Variants in CEACAM3 observed in about 807,000 individuals in gnomAD.
The protein encoded by CEACAM3 is cell adhesion molecule CEACAM3.
In CEACAM3, 32 loss-of-function variants were observed where a neutral mutation model predicts 30.1. That is an observed-to-expected ratio of 1.06 (90% CI 0.80 to 1.43). The LOEUF (loss-of-function observed/expected upper bound fraction) is 1.43, where lower values mean the gene tolerates loss of function less well. Among genes scored for constraint, CEACAM3 ranks in the 40% most tolerant of loss-of-function variants. The probability of loss-of-function intolerance (pLI) is 0.00; values close to 1 mark genes in which losing one functional copy is unlikely to be tolerated. For missense variants in CEACAM3, 290 were observed against 316.3 expected (o/e 0.92, Z 0.63); for synonymous variants, 134 against 127.2 (o/e 1.05, Z -0.36).
chr19:41,796,691 C>T lies in CEACAM3; in HGVS notation c.14C>T (p.Ser5Leu). ...GCAGCAGAGACCATGGGGCCCCCCTCAGCCTCTCCCCACAGAGAATGCATC... is the reference window on the plus strand; with the variant it reads ...GCAGCAGAGACCATGGGGCCCCCCTTAGCCTCTCCCCACAGAGAATGCATC... MGPPSASPHRECIPW... is the reference protein window; with the variant it reads MGPPLASPHRECIPW... Residue 5 changes from serine to leucine, a missense_variant, in exon 1 of 7, where the codon TCA becomes TTA. Ser to Leu is a moderately radical substitution (Grantham distance 145). Coordinates refer to ENST00000357396, the MANE Select transcript of CEACAM3 (RefSeq NM_001815.5). 6.2e-7 allele frequency: 1 copy of T among 1,614,134 alleles called. No individual in the cohort carries two copies. Among genetic ancestry groups the T allele is most frequent in the South Asian group, 1.1e-5 (1 of 91,078 alleles).
At position 41,797,646 on chromosome 19, in the gene CEACAM3, T is replaced by C. The variant is rs781906092; in HGVS notation, c.122T>C (p.Met41Thr). ...PTTAKLTIES[M>T]PLSVAEGKEV... ...ACTGCCAAGCTCACTATTGAATCCA[T>C]GCCGCTCAGTGTCGCAGAGGGGAAG... Residue 41 changes from methionine to threonine, a missense_variant, in exon 2 of 7, where the codon ATG (methionine) becomes ACG (threonine). Coordinates refer to ENST00000357396, the MANE Select transcript of CEACAM3 (RefSeq NM_001815.5). 6.8e-6 allele frequency: 11 copies of C among 1,614,038 alleles called. No homozygotes were observed. Among genetic ancestry groups the C allele is most frequent in the Admixed American group, 3.3e-5 (2 of 60,006 alleles).
chr19:41,809,159 T>C (rs963382341), intron 3 of CEACAM3: 2 of 285,404 alleles, frequency 7.0e-6, no homozygotes, highest in Non-Finnish European at 1.3e-5. Flanking sequence ...CACCCCTGAG[T>C]GTGGCCCTAG....
At position 41,800,332 on chromosome 19, in the gene CEACAM3, C is replaced by T. The variant is rs113973233; in HGVS notation, c.424+2384C>T. Among the ~76,000 whole-genome samples, 1,358 of 152,264 alleles carry T rather than the reference C, an allele frequency of 8.9e-3. 13 individuals are homozygous for T. The highest frequency in any genetic ancestry group is 0.015 in the Non-Finnish European group (1,021 of 68,010). Reference sequence around the variant, plus strand: ...GCGGTGACACTAGCGCCTGGGAAGACGCCCGTTGCCAGGCAGACCGAGGTC... The same window carrying T: ...GCGGTGACACTAGCGCCTGGGAAGATGCCCGTTGCCAGGCAGACCGAGGTC... On this transcript the variant is annotated intron_variant, in intron 2 of 6. Transcript: ENST00000357396.
At chr19:41,799,195 G>A (rs2073127542) in intron 2 of CEACAM3, among the ~76,000 whole-genome samples, 2 of 152,194 alleles carry the variant, frequency 1.3e-5, no homozygotes, top group Non-Finnish European at 2.9e-5. Flanking sequence ...GAGGCCTGGT[G>A]GGAGGCGATT....
At chr19:41,808,419 C>T (rs2123019875) in intron 2 of CEACAM3, among the ~76,000 whole-genome samples, 1 of 152,240 alleles carries the variant, frequency 6.6e-6, no homozygotes, top group South Asian at 2.1e-4. Flanking sequence ...CATGGAAGGC[C>T]CCTGAAAACA....
At chr19:41,809,072 C>A in intron 3 of CEACAM3, 142 bp downstream of exon 3, 1 of 627,998 alleles carries the variant, frequency 1.6e-6, no homozygotes, top group South Asian at 2.3e-5. Context: ...TTCCACGGCT[C>A]CTCCCTCGTC....
At chr19:41,796,873 A>G in intron 1 of CEACAM3, 132 bp downstream of exon 1, 1 of 884,640 alleles carries the variant, frequency 1.1e-6, no homozygotes, top group Non-Finnish European at 1.7e-6. Context: ...AACATCAGAG[A>G]GGGACACGGG....
chr19:41,809,278 T>G, intron 3 of CEACAM3: 1 of 257,388 alleles, frequency 3.9e-6, no homozygotes, highest in Non-Finnish European at 7.4e-6. Context: ...CCTCCCATTG[T>G]TCATTGAATC....
At chr19:41,808,710 G>T in intron 2 of CEACAM3, 103 bp from the exon 3 acceptor site, 2 of 856,654 alleles carry the variant, frequency 2.3e-6, no homozygotes, top group Non-Finnish European at 1.9e-6. Flanking sequence ...AGGCCCCATG[G>T]CATCTCCTTC....
Position 41,810,211 on chromosome 19 carries a change from T to A in CEACAM3, c.596-112T>A. The A allele has an allele frequency of 4.2e-6, 6 of 1,427,148 alleles. No individual in the cohort carries two copies. The Admixed American group carries it at 7.8e-5, about 19-fold the overall frequency. The allele number at this position is 1,427,148 out of a possible 1,614,324, so 88.4% of individuals were successfully genotyped here. Reference sequence around the variant, plus strand: ...TGTGGGCTCTGGGTCATGGGTCACCTCCCCAACCTCAGCTGCTCAGGTATC... The same window carrying A: ...TGTGGGCTCTGGGTCATGGGTCACCACCCCAACCTCAGCTGCTCAGGTATC... On this transcript the variant is annotated intron_variant, in intron 4 of 6. Transcript: ENST00000357396.
intron 2 of CEACAM3, among the ~76,000 whole-genome samples, chr19:41,808,175 C>T (rs1316830102): frequency 6.6e-6 from 1 of 152,226 alleles, no homozygotes; most frequent in African/African-American, 2.4e-5. Context: ...TCCACCTCTG[C>T]AGGACCCCTC....
chr19:41,809,109 A>C, intron 3 of CEACAM3, 179 bp downstream of exon 3: 1 of 519,492 alleles, frequency 1.9e-6, no homozygotes, highest in Non-Finnish European at 3.4e-6. Context: ...TTGCTGCCTC[A>C]ACAGCTTCCT....
chr19:41,800,297 C>T (rs971247569), intron 2 of CEACAM3, among the ~76,000 whole-genome samples: 1 of 152,144 alleles, frequency 6.6e-6, no homozygotes, highest in Non-Finnish European at 1.5e-5. Context: ...CAGAAGGGCT[C>T]CTTGGTCTAG....
At chr19:41,804,739 T>A (rs1370329111) in intron 2 of CEACAM3, among the ~76,000 whole-genome samples, 1 of 152,168 alleles carries the variant, frequency 6.6e-6, no homozygotes, top group Admixed American at 6.5e-5. Context: ...CTTATTATGT[T>A]ATCAAGAGAA....
intron 2 of CEACAM3, among the ~76,000 whole-genome samples, chr19:41,799,810 T>C (rs908510233): frequency 2.0e-5 from 3 of 152,166 alleles, no homozygotes; most frequent in Non-Finnish European, 4.4e-5. Flanking sequence ...AGACCGGATC[T>C]TGGATGCAGA....
chr19:41,801,020 C>T (rs2073142416), intron 2 of CEACAM3, among the ~76,000 whole-genome samples: 1 of 152,126 alleles, frequency 6.6e-6, no homozygotes, highest in Non-Finnish European at 1.5e-5. Flanking sequence ...CCAGGGGTCT[C>T]CTGGTCCCTA....
rs375018257 is a variant in CEACAM3, at chr19:41,797,660, G to A, written c.136G>A (p.Ala46Thr). Reference protein sequence around the residue: ...LTIESMPLSVAEGKEVLLLVH... With the variant: ...LTIESMPLSVTEGKEVLLLVH... ...TATTGAATCCATGCCGCTCAGTGTC[G>A]CAGAGGGGAAGGAGGTGCTTCTACT... The change falls in exon 2 of 7, where the codon GCA becomes ACA. Residue 46 changes from alanine (A) to threonine (T), a missense_variant. By Grantham distance (58) the Ala-to-Thr change is moderately conservative (BLOSUM62 0). Coordinates refer to ENST00000357396, the MANE Select transcript of CEACAM3 (RefSeq NM_001815.5). The A allele has an allele frequency of 5.4e-5, 87 of 1,614,000 alleles. No individual in the cohort carries two copies. Among genetic ancestry groups the A allele is most frequent in the East Asian group, 4.5e-5 (2 of 44,888 alleles).
intron 2 of CEACAM3, among the ~76,000 whole-genome samples, chr19:41,803,445 T>C (rs2073169421): frequency 9.5e-4 from 133 of 139,320 alleles, no homozygotes; most frequent in South Asian, 4.4e-3. Flanking sequence ...TGTGTGTGTG[T>C]GTGTGTGTGT....
chr19:41,810,205 G>A, intron 4 of CEACAM3, 118 bp from the exon 5 acceptor site: 1 of 1,401,630 alleles, frequency 7.1e-7, no homozygotes, highest in Non-Finnish European at 9.9e-7. Flanking sequence ...TGGGTCATGG[G>A]TCACCTCCCC....
Sources: allele counts gnomAD v4.1 joint callset (sites outside exome capture counted in the v4.1 genomes callset), GRCh38; gene constraint gnomAD v4.1.1; transcripts MANE v1.5; gene names NCBI Gene and HGNC (gene_info 2026-07-23, HGNC 2026-07-21).